The following CAMK4 variants were observed in gnomAD, a reference collection of about 807,000 sequenced individuals.
CAMK4 encodes the protein calcium/calmodulin dependent protein kinase IV.
In CAMK4, 22 loss-of-function variants were observed where a neutral mutation model predicts 44.9. That is an observed-to-expected ratio of 0.49 (90% CI 0.35 to 0.70). The LOEUF (loss-of-function observed/expected upper bound fraction) is 0.70, where lower values mean the gene tolerates loss of function less well. CAMK4 is among the 30% of genes least tolerant of loss of function. CAMK4 has a pLI of 0.01. For missense variants in CAMK4, 498 were observed against 586.8 expected (o/e 0.85, Z 1.56); for synonymous variants, 218 against 215.4 (o/e 1.01, Z -0.11).
intron 1 of CAMK4, among the ~76,000 whole-genome samples, chr5:111,297,419 A>G (rs1040388307): frequency 6.6e-6 from 1 of 152,148 alleles, no homozygotes; most frequent in Admixed American, 6.5e-5. Flanking sequence ...TATTTAAGAG[A>G]GATTTTAATT....
At chr5:111,278,570 TA>T (rs1750869622) in intron 1 of CAMK4, among the ~76,000 whole-genome samples, 1 of 152,226 alleles carries the variant, frequency 6.6e-6, no homozygotes, top group African/African-American at 2.4e-5. Flanking sequence ...TAAAAACATT[TA>T]CGGAGTAAAT....
intron 7 of CAMK4, among the ~76,000 whole-genome samples, chr5:111,471,092 TG>T (rs1755048161): frequency 6.6e-6 from 1 of 152,254 alleles, no homozygotes; most frequent in African/African-American, 2.4e-5. Flanking sequence ...TTTTATCTCC[TG>T]TAACAATTGT....
intron 2 of CAMK4, among the ~76,000 whole-genome samples, chr5:111,363,002 G>A (rs1188375426): frequency 2.6e-5 from 4 of 152,102 alleles, no homozygotes; most frequent in East Asian, 1.9e-4. Context: ...CAAATTAAAC[G>A]CAAGGTGTGC....
intron 1 of CAMK4, among the ~76,000 whole-genome samples, chr5:111,264,616 A>G (rs558983968): frequency 2.0e-5 from 3 of 152,184 alleles, no homozygotes; most frequent in African/African-American, 7.2e-5. Flanking sequence ...ACTGAGGAAA[A>G]TTCACTGCCG....
chr5:111,390,795 AC>A (rs1160134158), intron 4 of CAMK4, among the ~76,000 whole-genome samples: 1 of 152,182 alleles, frequency 6.6e-6, no homozygotes, highest in Non-Finnish European at 1.5e-5. Context: ...CTACAGCAAA[AC>A]CAGGTGGCCG....
intron 1 of CAMK4, among the ~76,000 whole-genome samples, chr5:111,336,492 A>G (rs530489596): frequency 4.0e-5 from 6 of 149,246 alleles, no homozygotes; most frequent in African/African-American, 5.1e-5. Flanking sequence ...TTTTTTTGAG[A>G]AACTGTTGAA....
intron 7 of CAMK4, among the ~76,000 whole-genome samples, chr5:111,460,912 T>C (rs538596533): frequency 2.0e-5 from 3 of 152,338 alleles, no homozygotes; most frequent in Admixed American, 2.0e-4. Flanking sequence ...CTCTTCAGGA[T>C]ATTATTTAAA....
At chr5:111,267,513 G>A (rs1750304998) in intron 1 of CAMK4, among the ~76,000 whole-genome samples, 1 of 151,898 alleles carries the variant, frequency 6.6e-6, no homozygotes, top group Non-Finnish European at 1.5e-5. Context: ...TCAGGAGATC[G>A]AGACCACGGT....
intron 2 of CAMK4, among the ~76,000 whole-genome samples, chr5:111,368,787 A>G (rs754182320): frequency 1.3e-5 from 2 of 151,884 alleles, no homozygotes; most frequent in Non-Finnish European, 2.9e-5. Context: ...ACTTTTCTCC[A>G]TGTTCCTTCT....
intron 7 of CAMK4, among the ~76,000 whole-genome samples, chr5:111,454,175 CAG>C (rs1183833744): frequency 6.6e-6 from 1 of 152,134 alleles, no homozygotes; most frequent in Admixed American, 6.5e-5. Context: ...ATATAATTGA[CAG>C]AGATGAGATG....
chr5:111,275,236 G>C (rs1226603870), intron 1 of CAMK4, among the ~76,000 whole-genome samples: 1 of 151,960 alleles, frequency 6.6e-6, no homozygotes, highest in Non-Finnish European at 1.5e-5. Flanking sequence ...CATTTATTGA[G>C]TCAAGAATGT....
intron 2 of CAMK4, among the ~76,000 whole-genome samples, chr5:111,346,485 TCTA>T (rs1265255619): frequency 0.016 from 912 of 58,418 alleles, 5 homozygotes; most frequent in African/African-American, 0.052. Flanking sequence ...TGAAACTTTA[TCTA>T]TCTATCTATC....
intron 2 of CAMK4, chr5:111,357,919 C>T (rs905325924): frequency 6.6e-6 from 1 of 151,978 alleles, no homozygotes; most frequent in Non-Finnish European, 1.5e-5. Flanking sequence ...AGCATGTATT[C>T]TAGAACTCAG....
intron 8 of CAMK4, among the ~76,000 whole-genome samples, chr5:111,475,658 G>A (rs1003303836): frequency 4.6e-5 from 7 of 152,192 alleles, no homozygotes; most frequent in African/African-American, 1.7e-4. Flanking sequence ...GAAAATAACA[G>A]TGCTGCTTAC....
chr5:111,449,165 T>C lies in CAMK4; in HGVS notation c.587T>C (p.Val196Ala). 6.3e-7 allele frequency: 1 copy of C among 1,584,360 alleles called. No homozygotes were observed. Among genetic ancestry groups the C allele is most frequent in the Non-Finnish European group, 8.7e-7 (1 of 1,154,966 alleles). ...FGLSKIVEHQ[V>A]LMKTVCGTPG... is the part of the protein sequence containing the mutation. The stretch of plus-strand genomic sequence containing the variant: ...CTCTCTAAAATTGTGGAACATCAAG[T>C]GCTCATGAAGACAGTATGTGGAACC... Residue 196 changes from valine to alanine, a missense_variant, in exon 7 of 11, where the codon GTG becomes GCG. Val to Ala is a moderately conservative substitution (Grantham distance 64, BLOSUM62 0). This residue lies in a region of CAMK4 where 203 missense variants were observed against 298.2 expected (regional missense o/e 0.68). Transcript: ENST00000282356.
intron 7 of CAMK4, among the ~76,000 whole-genome samples, chr5:111,454,565 G>T (rs1754348459): frequency 6.8e-6 from 1 of 146,912 alleles, no homozygotes; most frequent in African/African-American, 2.5e-5. Context: ...AATGATTAGT[G>T]TTCAAAAATA....
rs1445642079 is a variant in CAMK4 at position 111,296,844 on chromosome 5, C to T, written c.162-47180C>T. Reference sequence around the variant, plus strand: ...CAGTAGCAGCAGTTCTGGATCTGTGCATAATACCCAATTGATTATGGGTCA... The same window carrying T: ...CAGTAGCAGCAGTTCTGGATCTGTGTATAATACCCAATTGATTATGGGTCA... On this transcript the variant is annotated intron_variant, in intron 1 of 10. Coordinates refer to ENST00000282356, the MANE Select transcript of CAMK4 (RefSeq NM_001744.6). 3.3e-5 allele frequency among the ~76,000 whole-genome samples: 5 copies of T among 152,286 alleles called. No individual in the cohort carries two copies. In the East Asian group the frequency reaches 9.6e-4, roughly 29 times the overall value.
chr5:111,354,139 T>G (rs377195843), intron 2 of CAMK4, among the ~76,000 whole-genome samples: 2 of 152,074 alleles, frequency 1.3e-5, no homozygotes, highest in Non-Finnish European at 2.9e-5. Context: ...TGCGACAACA[T>G]GAATGATCTT....
At chr5:111,451,035 G>A (rs938816032) in intron 7 of CAMK4, among the ~76,000 whole-genome samples, 5 of 152,052 alleles carry the variant, frequency 3.3e-5, no homozygotes, top group Non-Finnish European at 5.9e-5. Context: ...GGCGAAGTGC[G>A]ATAATATATT....
Sources: allele counts gnomAD v4.1 joint callset (sites outside exome capture counted in the v4.1 genomes callset), GRCh38; gene constraint gnomAD v4.1.1; regional missense constraint gnomAD v4.1.1; transcripts MANE v1.5; gene names NCBI Gene and HGNC (gene_info 2026-07-23, HGNC 2026-07-21).